The following TMEM135 variants were observed in gnomAD, a reference collection of about 807,000 sequenced individuals.
TMEM135 encodes peroxisomal membrane protein 52.
A neutral mutation model predicts 60.3 loss-of-function variants in TMEM135; 30 were observed. The ratio of observed to expected loss-of-function variants is 0.50; its 90% CI spans 0.37 to 0.68. The LOEUF (loss-of-function observed/expected upper bound fraction) is 0.68. Among genes scored for constraint, TMEM135 ranks in the 30% least tolerant of loss-of-function variants. The pLI is 0.00. For missense variants in TMEM135, 468 were observed against 548.8 expected, an observed-to-expected ratio of 0.85 and a Z score of 1.47; for synonymous variants, 190 against 186.7, an observed-to-expected ratio of 1.02 and a Z score of -0.14.
In TMEM135 at chr11:87,324,699, G is replaced by C. The variant is rs1210464295; in HGVS notation, c.*3366G>C. 1 of 453,828 alleles carries C rather than the reference G, an allele frequency of 2.2e-6. No individual in the cohort carries two copies. The highest frequency in any genetic ancestry group is 1.6e-5 in the South Asian group (1 of 64,444). The allele number at this position is 453,828 out of a possible 1,614,324, so 28.1% of individuals were successfully genotyped here. On this transcript the variant is annotated 3_prime_UTR_variant, in exon 15 of 15. Coordinates refer to ENST00000305494, the MANE Select transcript of TMEM135 (RefSeq NM_022918.4). ...TCTTGGGTTGGCCTCCCGGGACTCT[G>C]GGATTCCAGGTGTGAGCCACGGTAC...
intron 5 of TMEM135, among the ~76,000 whole-genome samples, chr11:87,211,869 G>A (rs138050613): frequency 0.03 from 4,556 of 152,024 alleles, 205 homozygotes; most frequent in African/African-American, 0.1. Context: ...GCGTGAACCC[G>A]GGAGGTGGAG....
intron 5 of TMEM135, among the ~76,000 whole-genome samples, chr11:87,218,211 C>A (rs200796680): frequency 4.5e-4 from 68 of 152,202 alleles, no homozygotes; most frequent in East Asian, 2.5e-3. Flanking sequence ...AATTTATCCA[C>A]CCCCAAATCT....
intron 6 of TMEM135, among the ~76,000 whole-genome samples, chr11:87,250,471 T>G (rs928257274): frequency 7.2e-5 from 11 of 151,972 alleles, no homozygotes; most frequent in Non-Finnish European, 1.3e-4. Flanking sequence ...TAGATTTTGG[T>G]TTGTTGTGTT....
At chr11:87,131,790 A>C (rs1003049235) in intron 4 of TMEM135, among the ~76,000 whole-genome samples, 1 of 152,178 alleles carries the variant, frequency 6.6e-6, no homozygotes, top group African/African-American at 2.4e-5. Context: ...CCTGTTAGGA[A>C]CTGGGCCATA....
Position 87,328,213 on chromosome 11 carries a change from C to T in TMEM135, c.*6880C>T, listed in dbSNP as rs558734995. The T allele has an allele frequency of 8.8e-6, 4 of 453,956 alleles. No individual in the cohort carries two copies. Among genetic ancestry groups the T allele is most frequent in the South Asian group, 6.2e-5 (4 of 64,464 alleles). 28.1% of individuals were successfully genotyped at this position (453,956 alleles called of 1,614,324 possible). On this transcript the variant is annotated 3_prime_UTR_variant, in exon 15 of 15. Coordinates refer to ENST00000305494, the MANE Select transcript of TMEM135 (RefSeq NM_022918.4). ...TCTCAGTTTCATTTCCCATTATATC[C>T]TTCTCTCTCTTGATTTAGAATTCTC...
chr11:87,109,029 A>G (rs1857673416), intron 4 of TMEM135, among the ~76,000 whole-genome samples: 1 of 152,188 alleles, frequency 6.6e-6, no homozygotes, highest in Non-Finnish European at 1.5e-5. Flanking sequence ...GAAAGCAGGT[A>G]TGTGGTGGGA....
intron 5 of TMEM135, among the ~76,000 whole-genome samples, chr11:87,194,304 G>A (rs1055867885): frequency 6.6e-6 from 1 of 152,166 alleles, no homozygotes; most frequent in Non-Finnish European, 1.5e-5. Context: ...ACTGGCAGCT[G>A]TGGTTGAACT....
intron 5 of TMEM135, among the ~76,000 whole-genome samples, chr11:87,175,948 T>A (rs1274883161): frequency 1.3e-5 from 2 of 152,210 alleles, no homozygotes; most frequent in African/African-American, 4.8e-5. Flanking sequence ...ACTTAAACAC[T>A]TTGAATTAGC....
chr11:87,236,349 T>C (rs933961962), intron 5 of TMEM135, among the ~76,000 whole-genome samples: 1 of 151,934 alleles, frequency 6.6e-6, no homozygotes, highest in Non-Finnish European at 1.5e-5. Context: ...ACACTAATGA[T>C]AGTTGATGAA....
chr11:87,093,108 C>G (rs1214093282), intron 4 of TMEM135, among the ~76,000 whole-genome samples: 1 of 152,082 alleles, frequency 6.6e-6, no homozygotes, highest in Admixed American at 6.5e-5. Context: ...TTCATATTTT[C>G]TTAATCACTC....
chr11:87,063,614 G>C (rs1949969695), intron 1 of TMEM135, among the ~76,000 whole-genome samples: 1 of 152,192 alleles, frequency 6.6e-6, no homozygotes, highest in Admixed American at 6.5e-5. Flanking sequence ...GCACACTGGG[G>C]AAAACAGAGG....
intron 5 of TMEM135, among the ~76,000 whole-genome samples, chr11:87,179,426 T>C (rs1196292430): frequency 1.3e-5 from 2 of 152,154 alleles, no homozygotes; most frequent in African/African-American, 4.8e-5. Flanking sequence ...GCTATACTTT[T>C]GCTATCATAT....
At position 87,071,606 on chromosome 11, in the gene TMEM135, G is replaced by T. The variant is rs1473765187; in HGVS notation, c.353G>T (p.Arg118Ile). The T allele has an allele frequency of 5.0e-6, 8 of 1,612,308 alleles. No homozygotes were observed. Among genetic ancestry groups the T allele is most frequent in the Non-Finnish European group, 6.8e-6 (8 of 1,179,300 alleles). The change falls in exon 3 of 15, where the codon AGA (arginine) becomes ATA (isoleucine). Residue 118 changes from arginine to isoleucine, a missense_variant. By Grantham distance (97) the Arg-to-Ile change is moderately conservative. Coordinates refer to ENST00000305494, the MANE Select transcript of TMEM135 (RefSeq NM_022918.4). ...TCTTATGTGGCCATTCTCATTGAAA[G>T]AAAAAGCAGGTAAAATTTCATATAT... The part of the protein sequence containing the change: ...PASYVAILIE[R>I]KSRRGLLTIY...
intron 6 of TMEM135, among the ~76,000 whole-genome samples, chr11:87,254,993 A>G (rs532738444): frequency 6.6e-6 from 1 of 152,176 alleles, no homozygotes; most frequent in Non-Finnish European, 1.5e-5. Context: ...TAAAATAACA[A>G]AACTAAATAG....
At chr11:87,129,362 C>T (rs1309319399) in intron 4 of TMEM135, among the ~76,000 whole-genome samples, 2 of 150,398 alleles carry the variant, frequency 1.3e-5, no homozygotes, top group African/African-American at 4.9e-5. Flanking sequence ...CCTGTCTCAG[C>T]CTCCCTAATA....
intron 7 of TMEM135, among the ~76,000 whole-genome samples, chr11:87,299,442 A>G (rs189485871): frequency 1.9e-3 from 287 of 152,262 alleles, no homozygotes; most frequent in African/African-American, 6.3e-3. Flanking sequence ...CCATGATCCA[A>G]TCACCCCCAC....
intron 5 of TMEM135, among the ~76,000 whole-genome samples, chr11:87,191,271 C>T (rs890466534): frequency 2.0e-5 from 3 of 151,894 alleles, no homozygotes; most frequent in East Asian, 1.9e-4. Context: ...GACAGAGTCC[C>T]GCTCTTTCAC....
rs1263181990 is a variant in TMEM135, at chr11:87,321,788, A to C, written c.*455A>C. The C allele has an allele frequency of 2.2e-6, 1 of 454,600 alleles. No homozygotes were observed. The highest frequency in any genetic ancestry group is 1.6e-5 in the South Asian group (1 of 64,480). The allele number at this position is 454,600 out of a possible 1,614,324, so 28.2% of individuals were successfully genotyped here. A position where few individuals can be genotyped will look rare whatever the true frequency, so the allele number is the denominator to read the frequency against. On this transcript the variant is annotated 3_prime_UTR_variant, in exon 15 of 15. Transcript: ENST00000305494. The stretch of plus-strand genomic sequence containing the variant: ...GTCTATATATTTTTTTAAAGTTTTG[A>C]ATTGGTATCTGTAGTAGTGGAATGT...
Position 87,166,369 on chromosome 11 carries a change from A to C in TMEM135, c.462+8963A>C, listed in dbSNP as rs563429046. On this transcript the variant is annotated intron_variant, in intron 5 of 14. Transcript: ENST00000305494. ...ATTGCTTTTGGTGGTTTAGCCATGAAGTCTTTGCCCATGGCTATGTCCTGA... is the reference window on the plus strand; with the variant it reads ...ATTGCTTTTGGTGGTTTAGCCATGACGTCTTTGCCCATGGCTATGTCCTGA... 1.1e-4 allele frequency among the ~76,000 whole-genome samples: 17 copies of C among 151,774 alleles called. 1 individual carries two copies. In the South Asian group the frequency reaches 3.3e-3, roughly 30 times the overall value.
Sources: gnomAD v4.1 joint callset for allele counts (sites outside exome capture counted in the v4.1 genomes callset) on GRCh38, gnomAD v4.1.1 for gene constraint, MANE v1.5 for transcripts, NCBI Gene and HGNC (gene_info 2026-07-23, HGNC 2026-07-21) for gene names.